The following UVRAG variants were observed in gnomAD, a reference collection of about 807,000 sequenced individuals.
UVRAG encodes the protein UV radiation resistance associated.
UVRAG carries 19 observed loss-of-function variants against 78.0 expected under a neutral mutation model. The ratio of observed to expected loss-of-function variants is 0.24; its 90% CI spans 0.17 to 0.36. UVRAG has a LOEUF of 0.36. Among genes scored for constraint, UVRAG ranks in the 10% least tolerant of loss-of-function variants. UVRAG has a pLI of 1.00. For synonymous variants in UVRAG, 323 were observed against 324.6 expected, an observed-to-expected ratio of 1.00 and a Z score of 0.05; for missense variants, 740 against 853.8, an observed-to-expected ratio of 0.87 and a Z score of 1.66.
intron 6 of UVRAG, among the ~76,000 whole-genome samples, chr11:75,947,118 C>T (rs1362712300): frequency 6.6e-6 from 1 of 152,106 alleles, no homozygotes; most frequent in Non-Finnish European, 1.5e-5. Flanking sequence ...TTAATTACCT[C>T]CTGAAAGTCT....
chr11:75,889,513 T>C (rs1367564644), intron 5 of UVRAG, among the ~76,000 whole-genome samples: 1 of 152,212 alleles, frequency 6.6e-6, no homozygotes, highest in African/African-American at 2.4e-5. Flanking sequence ...ATCTAGAAAG[T>C]AGCTGAGCTG....
intron 6 of UVRAG, among the ~76,000 whole-genome samples, chr11:75,929,277 A>C (rs1273036004): frequency 1.3e-5 from 2 of 152,218 alleles, no homozygotes; most frequent in Non-Finnish European, 2.9e-5. Context: ...AATTATTTGA[A>C]ATAAAATGTC....
Position 75,964,297 on chromosome 11 carries a change from A to C in UVRAG, c.699+2748A>C, listed in dbSNP as rs563144018. ...AAGTGTTTTCTCCCTTTTTGTTTTC[A>C]GGAAAAATATGTGTAGAATGGGAAT... On this transcript the variant is annotated intron_variant, in intron 7 of 14. Coordinates refer to ENST00000356136, the MANE Select transcript of UVRAG (RefSeq NM_003369.4). Among the ~76,000 whole-genome samples the C allele has an allele frequency of 2.6e-5, 4 of 152,266 alleles. No individual in the cohort carries two copies. The South Asian group carries it at 8.3e-4, about 32-fold the overall frequency.
intron 8 of UVRAG, among the ~76,000 whole-genome samples, chr11:76,001,042 A>G (rs940077361): frequency 2.0e-5 from 3 of 152,230 alleles, no homozygotes; most frequent in Non-Finnish European, 4.4e-5. Flanking sequence ...CACTAGCAGA[A>G]TCTGCATTTC....
At chr11:75,953,180 C>T (rs1948733979) in intron 6 of UVRAG, among the ~76,000 whole-genome samples, 1 of 152,130 alleles carries the variant, frequency 6.6e-6, no homozygotes, top group Non-Finnish European at 1.5e-5. Context: ...TTTACACCAT[C>T]TTTCCTGTCA....
chr11:76,055,766 G>T (rs1346745277), intron 12 of UVRAG, among the ~76,000 whole-genome samples: 2 of 152,042 alleles, frequency 1.3e-5, no homozygotes. Flanking sequence ...CTGGAGTCCA[G>T]TGGCAGGATC....
At chr11:76,014,640 G>A (rs1356262635) in intron 11 of UVRAG, among the ~76,000 whole-genome samples, 2 of 152,160 alleles carry the variant, frequency 1.3e-5, no homozygotes, top group Admixed American at 6.5e-5. Flanking sequence ...AGGTATTCTG[G>A]AGGATTGTGG....
chr11:76,130,959 G>C (rs550304696), intron 14 of UVRAG, among the ~76,000 whole-genome samples: 2 of 149,986 alleles, frequency 1.3e-5, no homozygotes, highest in South Asian at 4.2e-4. Flanking sequence ...TTTTTTCCCT[G>C]GTTTTCAGCA....
At chr11:76,125,151 T>C (rs1226513891) in intron 14 of UVRAG, among the ~76,000 whole-genome samples, 1 of 152,254 alleles carries the variant, frequency 6.6e-6, no homozygotes, top group Non-Finnish European at 1.5e-5. Flanking sequence ...TTTTTAAATT[T>C]AGATCAAATA....
At chr11:76,129,709 A>G (rs1952478060) in intron 14 of UVRAG, among the ~76,000 whole-genome samples, 1 of 151,830 alleles carries the variant, frequency 6.6e-6, no homozygotes. Context: ...TTCTCCTGCT[A>G]TTTCTGTTTG....
At chr11:76,016,135 G>A (rs1024326468) in intron 11 of UVRAG, among the ~76,000 whole-genome samples, 6 of 152,180 alleles carry the variant, frequency 3.9e-5, no homozygotes, top group African/African-American at 1.4e-4. Context: ...AGATGCTTAT[G>A]TCTGATTATA....
chr11:76,075,967 A>G (rs1951397188), intron 13 of UVRAG, among the ~76,000 whole-genome samples: 1 of 152,180 alleles, frequency 6.6e-6, no homozygotes, highest in South Asian at 2.1e-4. Flanking sequence ...GTGTATGTAT[A>G]TACGACATGT....
intron 8 of UVRAG, among the ~76,000 whole-genome samples, chr11:75,985,326 A>G (rs1004862527): frequency 3.9e-5 from 6 of 151,928 alleles, no homozygotes; most frequent in African/African-American, 1.4e-4. Context: ...AACATTTCAT[A>G]TGCTTCTTGC....
chr11:76,003,525 A>G lies in UVRAG; in HGVS notation c.827-480A>G, dbSNP rs562890508. Among the ~76,000 whole-genome samples, 47 of 152,150 alleles carry G rather than the reference A, an allele frequency of 3.1e-4. 1 individual carries two copies. The South Asian group carries it at 9.3e-3, about 30-fold the overall frequency. ...CATGAGCCACCGCACCTGGCCTAAA[A>G]TAATGATATTTATGAGGAAGATGAC... is the stretch of plus-strand genomic sequence containing the variant. On this transcript the variant is annotated intron_variant, in intron 8 of 14. Transcript: ENST00000356136.
chr11:76,068,156 A>G (rs1387763520), intron 13 of UVRAG, among the ~76,000 whole-genome samples: 5 of 152,172 alleles, frequency 3.3e-5, no homozygotes, highest in Non-Finnish European at 5.9e-5. Flanking sequence ...ATGCCAAAAG[A>G]TCATATAAAG....
intron 12 of UVRAG, among the ~76,000 whole-genome samples, chr11:76,029,384 C>A (rs1313398799): frequency 5.3e-5 from 8 of 152,122 alleles, no homozygotes; most frequent in Admixed American, 5.2e-4. Flanking sequence ...TTTCATAAGA[C>A]TGTAGCTGCC....
At chr11:75,922,597 C>T (rs2135071631) in intron 6 of UVRAG, among the ~76,000 whole-genome samples, 1 of 152,230 alleles carries the variant, frequency 6.6e-6, no homozygotes, top group East Asian at 1.9e-4. Flanking sequence ...CATCCCAGTT[C>T]CTTGTTCTAA....
intron 7 of UVRAG, among the ~76,000 whole-genome samples, chr11:75,968,254 C>T (rs1367962336): frequency 6.6e-6 from 1 of 152,144 alleles, no homozygotes; most frequent in Non-Finnish European, 1.5e-5. Flanking sequence ...ATGTGTGTAT[C>T]TGTGATTTTC....
chr11:76,062,872 TTCTG>T (rs1270552387), intron 12 of UVRAG, among the ~76,000 whole-genome samples: 2 of 152,226 alleles, frequency 1.3e-5, no homozygotes, highest in African/African-American at 4.8e-5. Context: ...ATGAGTGTTC[TTCTG>T]TCTATTTATA....
Sources: allele counts gnomAD v4.1 joint callset (sites outside exome capture counted in the v4.1 genomes callset), GRCh38; gene constraint gnomAD v4.1.1; transcripts MANE v1.5; gene names NCBI Gene and HGNC (gene_info 2026-07-23, HGNC 2026-07-21).